The following MGAM2 variants were observed in gnomAD, a reference collection of about 807,000 sequenced individuals.
MGAM2 encodes probable maltase-glucoamylase 2.
A neutral mutation model predicts 96.1 loss-of-function variants in MGAM2; 98 were observed. The observed-to-expected ratio is 1.02, with a 90% CI of 0.87 to 1.21. The LOEUF (loss-of-function observed/expected upper bound fraction) is 1.21. Ranked by LOEUF, MGAM2 falls within the 50% of genes most tolerant of loss-of-function variation. MGAM2 has a pLI of 0.00. For synonymous variants in MGAM2, 749 were observed against 414.8 expected, an observed-to-expected ratio of 1.81 and a Z score of -9.79; for missense variants, 2,055 against 1,182.4, an observed-to-expected ratio of 1.74 and a Z score of -10.82.
chr7:142,142,556 A>C (rs1008745940), intron 12 of MGAM2, among the ~76,000 whole-genome samples: 15 of 69,594 alleles, frequency 2.2e-4, no homozygotes, highest in Non-Finnish European at 1.8e-4. Flanking sequence ...TTTGAGATGG[A>C]GTCTTGCTCT....
At chr7:142,200,073 T>C in intron 45 of MGAM2, 105 bp downstream of exon 45, 1 of 500,340 alleles carries the variant, frequency 2.0e-6, no homozygotes, top group East Asian at 3.1e-5. Flanking sequence ...CTGCCTATTG[T>C]CAATAAGGCA....
At chr7:142,194,669 C>T (rs1337476671) in intron 37 of MGAM2, among the ~76,000 whole-genome samples, 1 of 147,306 alleles carries the variant, frequency 6.8e-6, no homozygotes, top group African/African-American at 2.5e-5. Context: ...TTTATATATT[C>T]TTTCAGTTTT....
chr7:142,190,602 T>C (rs1159962248), intron 37 of MGAM2, among the ~76,000 whole-genome samples: 1 of 152,110 alleles, frequency 6.6e-6, no homozygotes, highest in Non-Finnish European at 1.5e-5. Context: ...CCTGCATGTA[T>C]GATAAAATGT....
At chr7:142,142,524 G>GTGTTTTTT (rs1795259873) in intron 12 of MGAM2, among the ~76,000 whole-genome samples, 1 of 78,890 alleles carries the variant, frequency 1.3e-5, no homozygotes, top group Non-Finnish European at 2.4e-5. Context: ...AGTGGTGTGT[G>GTGTTTTTT]TTTTTTTTTT....
intron 32 of MGAM2, among the ~76,000 whole-genome samples, chr7:142,180,347 G>A (rs1312283394): frequency 6.6e-6 from 1 of 151,910 alleles, no homozygotes; most frequent in Non-Finnish European, 1.5e-5. Context: ...TCTCAATTTT[G>A]TTTAGCTCTG....
intron 44 of MGAM2, 141 bp downstream of exon 44, chr7:142,198,880 T>C (rs2961065): frequency 0.71 from 391,965 of 553,648 alleles, 139,787 homozygotes; most frequent in African/African-American, 0.75. Flanking sequence ...ATCCTGTGAG[T>C]GCTTTCTGAG....
Position 142,221,656 on chromosome 7 carries a change from C to T in MGAM2, c.7145C>T (p.Thr2382Ile). The T allele has an allele frequency of 2.2e-6, 1 of 453,790 alleles. No individual in the cohort carries two copies. The highest frequency in any genetic ancestry group is 6.7e-5 in the South Asian group (1 of 14,818). The allele number at this position is 453,790 out of a possible 1,614,324, so 28.1% of individuals were successfully genotyped here. ...TTVTSIDKFT[T>I]HITQFATPHS... ...GTTACTTCCATAGACAAATTCACCA[C>T]ACACATCACACAGTTCGCTACTCCC... The change falls in exon 48 of 48, where the codon ACA becomes ATA. Residue 2382 changes from threonine to isoleucine, a missense_variant. Physicochemically the swap from Thr to Ile is moderately conservative, Grantham distance 89 (BLOSUM62 -1). Transcript: ENST00000477922.
intron 3 of MGAM2, 76 bp from the exon 4 acceptor site, chr7:142,130,871 TG>T: frequency 1.5e-6 from 1 of 648,816 alleles, no homozygotes. Context: ...TGGAATAAAA[TG>T]GGTTATAAAT....
chr7:142,119,688 T>C (rs181382730), intron 2 of MGAM2, among the ~76,000 whole-genome samples: 1 of 152,306 alleles, frequency 6.6e-6, no homozygotes, highest in Admixed American at 6.5e-5. Flanking sequence ...CAAAATGTGG[T>C]ATATCCACAC....
chr7:142,198,781 G>A (rs776237892), intron 44 of MGAM2, 42 bp downstream of exon 44: 8 of 683,008 alleles, frequency 1.2e-5, no homozygotes, highest in South Asian at 3.1e-5. Flanking sequence ...TTGCTATACC[G>A]TAATGAGGAA....
Position 142,159,321 on chromosome 7 carries a change from C to T in MGAM2, c.2198C>T (p.Ala733Val), listed in dbSNP as rs1423661554. The change falls in exon 20 of 48, where the codon GCC becomes GTC. Residue 733 changes from alanine (A) to valine (V), a missense_variant. Transcript: ENST00000477922. ...VDEVKAYIPD[A>V]TWYDYETGVA... ...GAAGTGAAAGCATACATACCTGATG[C>T]CACCTGGTATGACTATGAGACAGTA... 1.4e-5 allele frequency: 10 copies of T among 702,506 alleles called. No individual in the cohort carries two copies. The highest frequency in any genetic ancestry group is 1.3e-4 in the South Asian group (9 of 67,586). 43.5% of individuals were successfully genotyped at this position (702,506 alleles called of 1,614,324 possible). A position where few individuals can be genotyped will look rare whatever the true frequency, so the allele number is the denominator to read the frequency against.
intron 5 of MGAM2, 71 bp from the exon 6 acceptor site, chr7:142,131,860 C>T (rs1438618070): frequency 3.2e-6 from 2 of 633,394 alleles, no homozygotes; most frequent in East Asian, 2.7e-5. Flanking sequence ...TGAGATGGAA[C>T]ATCTTTTGTA....
chr7:142,207,587 G>A (rs535945280), intron 45 of MGAM2, among the ~76,000 whole-genome samples: 84 of 151,738 alleles, frequency 5.5e-4, no homozygotes, highest in African/African-American at 1.6e-3. Flanking sequence ...CACCACGCCC[G>A]GCTAATTTTG....
chr7:142,145,040 A>T, intron 14 of MGAM2, 95 bp downstream of exon 14: 1 of 651,682 alleles, frequency 1.5e-6, no homozygotes, highest in East Asian at 2.8e-5. Flanking sequence ...TTCACTTCCT[A>T]GTCCAAGGGG....
intron 12 of MGAM2, among the ~76,000 whole-genome samples, chr7:142,141,446 C>T (rs1365882929): frequency 6.6e-6 from 1 of 151,966 alleles, no homozygotes; most frequent in African/African-American, 2.4e-5. Flanking sequence ...TAGCAAGATG[C>T]TCATAGATTA....
intron 10 of MGAM2, among the ~76,000 whole-genome samples, chr7:142,140,599 A>G (rs1795191026): frequency 6.6e-6 from 1 of 152,242 alleles, no homozygotes. Context: ...ACCTGTCAGG[A>G]CAAGGAGGTA....
chr7:142,140,840 G>A lies in MGAM2; in HGVS notation c.1125G>A (p.Lys375=), dbSNP rs267601330. The change falls in exon 11 of 48, where the codon AAG becomes AAA. Residue 375 remains lysine, a synonymous_variant. Coordinates refer to ENST00000477922, the MANE Select transcript of MGAM2 (RefSeq NM_001293626.2). ...QYSDIDYMDG[K]KDFTVDEVAY... is the part of the protein sequence containing the mutation. ...CTGACATAGACTACATGGATGGAAA[G>A]AAGGATTTCACTGTTGATGAAGTCG... The A allele has an allele frequency of 1.4e-6, 1 of 703,012 alleles. No individual in the cohort carries two copies. Among genetic ancestry groups the A allele is most frequent in the Non-Finnish European group, 2.6e-6 (1 of 384,974 alleles). 43.5% of individuals were successfully genotyped at this position (703,012 alleles called of 1,614,324 possible).
rs138858513 is a variant in MGAM2, at chr7:142,153,070, A to G, written c.1635-948A>G. The stretch of plus-strand genomic sequence containing the variant: ...GAGTGCAGTGGCACGATCTTGGCTC[A>G]CTGCAACCTCTGCCTCTTGGGTTCA... On this transcript the variant is annotated intron_variant, in intron 15 of 47. Coordinates refer to ENST00000477922, the MANE Select transcript of MGAM2 (RefSeq NM_001293626.2). Among the ~76,000 whole-genome samples the G allele has an allele frequency of 9.3e-3, 1,353 of 145,130 alleles. 21 individuals carry two copies. The highest frequency in any genetic ancestry group is 0.033 in the African/African-American group (1,288 of 38,820).
At chr7:142,189,765 A>C (rs1796811831) in intron 37 of MGAM2, among the ~76,000 whole-genome samples, 1 of 152,228 alleles carries the variant, frequency 6.6e-6, no homozygotes, top group Non-Finnish European at 1.5e-5. Context: ...AAATTTTCGA[A>C]CATTTTCAGA....
Sources: gnomAD v4.1 joint callset for allele counts (sites outside exome capture counted in the v4.1 genomes callset) on GRCh38, gnomAD v4.1.1 for gene constraint, MANE v1.5 for transcripts, NCBI Gene and HGNC (gene_info 2026-07-23, HGNC 2026-07-21) for gene names.